The following TMEM266 variants were observed in gnomAD, a reference collection of about 807,000 sequenced individuals.
The protein encoded by TMEM266 is transmembrane protein 266.
In TMEM266, 33 loss-of-function variants were observed where a neutral mutation model predicts 50.5. That is an observed-to-expected ratio of 0.65 (90% CI 0.50 to 0.87). The LOEUF (loss-of-function observed/expected upper bound fraction) is 0.87, where lower values mean the gene tolerates loss of function less well. Ranked by LOEUF, TMEM266 falls within the 40% of genes least tolerant of loss-of-function variation. The pLI is 0.00. For missense variants in TMEM266, 655 were observed against 695.1 expected, an observed-to-expected ratio of 0.94 and a Z score of 0.65; for synonymous variants, 310 against 292.3, an observed-to-expected ratio of 1.06 and a Z score of -0.62.
intron 1 of TMEM266, among the ~76,000 whole-genome samples, chr15:76,114,972 T>C (rs966658463): frequency 1.3e-5 from 2 of 152,170 alleles, no homozygotes; most frequent in African/African-American, 2.4e-5. Context: ...GATTTGTTAA[T>C]AGAAATATCC....
intron 8 of TMEM266, among the ~76,000 whole-genome samples, chr15:76,186,897 C>CAGCT (rs1445468042): frequency 2.6e-5 from 4 of 152,162 alleles, no homozygotes; most frequent in Non-Finnish European, 5.9e-5. Context: ...GGTGGGGCCC[C>CAGCT]AGCTGAGCTC....
chr15:76,066,938 C>T (rs554483065), intron 1 of TMEM266, among the ~76,000 whole-genome samples: 26 of 152,184 alleles, frequency 1.7e-4, no homozygotes, highest in East Asian at 7.8e-4. Flanking sequence ...TAGCAGCATC[C>T]GTGACCCTTA....
intron 1 of TMEM266, among the ~76,000 whole-genome samples, chr15:76,062,574 A>G (rs1241396524): frequency 6.6e-6 from 1 of 152,238 alleles, no homozygotes; most frequent in African/African-American, 2.4e-5. Context: ...GCAGAAAGCA[A>G]GAGGTGTTAC....
intron 1 of TMEM266, among the ~76,000 whole-genome samples, chr15:76,129,347 A>G (rs574974566): frequency 6.6e-6 from 1 of 152,296 alleles, no homozygotes; most frequent in East Asian, 1.9e-4. Flanking sequence ...ACATGTTAGA[A>G]AACTGCTAAG....
intron 3 of TMEM266, among the ~76,000 whole-genome samples, chr15:76,150,183 T>TG (rs1567167913): frequency 6.6e-6 from 1 of 152,162 alleles, no homozygotes; most frequent in East Asian, 1.9e-4. Context: ...TTTGTGCATT[T>TG]GGGGGGTGTA....
Position 76,153,793 on chromosome 15 carries a change from G to A in TMEM266, c.228-2811G>A, listed in dbSNP as rs532076864. ...GTGAGGCCGGAAGGAAGAATCAGGA[G>A]GTGAGGAGGGTGGCCAAGTGATGAT... is the stretch of plus-strand genomic sequence containing the variant. On this transcript the variant is annotated intron_variant, in intron 3 of 10. Coordinates refer to ENST00000388942, the MANE Select transcript of TMEM266 (RefSeq NM_152335.3). This position sits in a 1 kb window ranked among gnomAD's most constrained non-coding sequence, Gnocchi z 4.2. Among the ~76,000 whole-genome samples the A allele has an allele frequency of 1.5e-4, 23 of 152,162 alleles. No homozygotes were observed. The highest frequency in any genetic ancestry group is 2.5e-4 in the Non-Finnish European group (17 of 68,004).
Position 76,103,340 on chromosome 15 carries a change from C to CA in TMEM266, c.-96-30817dup, listed in dbSNP as rs34638730. Among the ~76,000 whole-genome samples the CA allele has an allele frequency of 7.0e-4, 101 of 145,292 alleles. 1 individual carries two copies. The Middle Eastern group carries it at 0.011, about 15-fold the overall frequency. ...CAAAGTCTCAAAACCCCATCTCTGC[C>CA]AAAAAAAAAAATCAGCCAGTCATGG... is the stretch of plus-strand genomic sequence containing the variant. On this transcript the variant is annotated intron_variant, in intron 1 of 10. Transcript: ENST00000388942.
At chr15:76,199,726 G>A (rs976916744) in intron 9 of TMEM266, among the ~76,000 whole-genome samples, 2 of 151,126 alleles carry the variant, frequency 1.3e-5, no homozygotes, top group African/African-American at 4.9e-5. Flanking sequence ...TGTGAAGTGC[G>A]GACCCCTAGG....
chr15:76,197,896 C>T (rs1303955785), intron 9 of TMEM266, among the ~76,000 whole-genome samples: 1 of 152,248 alleles, frequency 6.6e-6, no homozygotes, highest in Non-Finnish European at 1.5e-5. Context: ...AGGTCGGGGG[C>T]TCCACCCAAG....
At chr15:76,162,886 G>C (rs2038039481) in intron 5 of TMEM266, among the ~76,000 whole-genome samples, 1 of 152,248 alleles carries the variant, frequency 6.6e-6, no homozygotes, top group South Asian at 2.1e-4. Context: ...CCAGGGATGT[G>C]GCTGTGGGCC....
intron 1 of TMEM266, among the ~76,000 whole-genome samples, chr15:76,126,516 A>C (rs2142023269): frequency 6.6e-6 from 1 of 151,182 alleles, no homozygotes; most frequent in Admixed American, 6.6e-5. Context: ...ATACTGCACG[A>C]TCTCACTTAT....
At chr15:76,196,802 G>C (rs899445997) in intron 9 of TMEM266, among the ~76,000 whole-genome samples, 1 of 152,134 alleles carries the variant, frequency 6.6e-6, no homozygotes, top group Non-Finnish European at 1.5e-5. Context: ...GTCACAGTCA[G>C]ACAACGCCAA....
intron 4 of TMEM266, among the ~76,000 whole-genome samples, chr15:76,159,607 T>C (rs1238744615): frequency 6.6e-6 from 1 of 152,024 alleles, no homozygotes; most frequent in African/African-American, 2.4e-5. Context: ...TGCCACTCGG[T>C]TTCCAGAATG....
At chr15:76,148,847 A>G (rs2037796124) in intron 3 of TMEM266, among the ~76,000 whole-genome samples, 1 of 152,158 alleles carries the variant, frequency 6.6e-6, no homozygotes, top group Non-Finnish European at 1.5e-5. Context: ...CCCCAGCTGC[A>G]CACAACCCTC....
chr15:76,082,858 A>G (rs2036715667), intron 1 of TMEM266, among the ~76,000 whole-genome samples: 1 of 152,146 alleles, frequency 6.6e-6, no homozygotes, highest in Non-Finnish European at 1.5e-5. Flanking sequence ...AATCCCAGTT[A>G]TTCAGGAGGC....
chr15:76,072,462 A>C (rs1054938546), intron 1 of TMEM266, among the ~76,000 whole-genome samples: 4 of 147,488 alleles, frequency 2.7e-5, no homozygotes, highest in African/African-American at 1.0e-4. Context: ...AAAAAAAAAG[A>C]AGCAGCACTG....
intron 8 of TMEM266, among the ~76,000 whole-genome samples, chr15:76,182,650 A>G (rs1172398943): frequency 6.6e-6 from 1 of 152,110 alleles, no homozygotes; most frequent in African/African-American, 2.4e-5. Context: ...TCACAAAAAA[A>G]CAAAACAAAA....
At position 76,146,989 on chromosome 15, in the gene TMEM266, G is replaced by T. The variant is rs187278083; in HGVS notation, c.227+9094G>T. Among the ~76,000 whole-genome samples, 605 of 152,352 alleles carry T rather than the reference G, an allele frequency of 4.0e-3. 5 individuals are homozygous for T. The highest frequency in any genetic ancestry group is 6.8e-3 in the Non-Finnish European group (464 of 68,032). On this transcript the variant is annotated intron_variant, in intron 3 of 10. Transcript: ENST00000388942. ...GGAACAGGGGTGTTGACTGATCAAG[G>T]AATGACTTGAATGAATGAATCAGTG...
chr15:76,153,791 G>A lies in TMEM266; in HGVS notation c.228-2813G>A, dbSNP rs2955742. ...AGGTGAGGCCGGAAGGAAGAATCAG[G>A]AGGTGAGGAGGGTGGCCAAGTGATG... On this transcript the variant is annotated intron_variant, in intron 3 of 10. Coordinates refer to ENST00000388942, the MANE Select transcript of TMEM266 (RefSeq NM_152335.3). This position sits in a 1 kb window ranked among gnomAD's most constrained non-coding sequence, Gnocchi z 4.2. 0.14 allele frequency among the ~76,000 whole-genome samples: 21,383 copies of A among 152,174 alleles called. 1,611 individuals carry two copies. Among genetic ancestry groups the A allele is most frequent in the Non-Finnish European group, 0.16 (11,166 of 67,986 alleles).
Sources: gnomAD v4.1 joint callset for allele counts (sites outside exome capture counted in the v4.1 genomes callset) on GRCh38, gnomAD v4.1.1 for gene constraint, Gnocchi (gnomAD v3.1) non-coding constraint, MANE v1.5 for transcripts, NCBI Gene and HGNC (gene_info 2026-07-23, HGNC 2026-07-21) for gene names.